The following AGBL4 variants were observed in gnomAD, a reference collection of about 807,000 sequenced individuals.
AGBL4 encodes AGBL carboxypeptidase 4.
AGBL4 carries 58 observed loss-of-function variants against 66.4 expected under a neutral mutation model. The observed-to-expected ratio is 0.87, with a 90% confidence interval of 0.71 to 1.09. AGBL4 has a LOEUF of 1.09. AGBL4 is among the 50% of genes least tolerant of loss of function. The probability of loss-of-function intolerance (pLI) is 0.00; values close to 1 mark genes in which losing one functional copy is unlikely to be tolerated. For synonymous variants in AGBL4, 234 were observed against 222.9 expected, an observed-to-expected ratio of 1.05 and a Z score of -0.44; for missense variants, 579 against 631.0, an observed-to-expected ratio of 0.92 and a Z score of 0.88.
downstream of AGBL4, among the ~76,000 whole-genome samples, chr1:48,530,168 C>A (rs1359811064): frequency 2.6e-5 from 4 of 152,134 alleles, no homozygotes; most frequent in African/African-American, 9.7e-5. Context: ...GTGTTTGAAT[C>A]CAGGTTCTCA....
intron 3 of AGBL4, among the ~76,000 whole-genome samples, chr1:49,558,972 C>T (rs1272992251): frequency 4.6e-5 from 7 of 152,156 alleles, no homozygotes; most frequent in African/African-American, 1.7e-4. Flanking sequence ...TCCCTGACTC[C>T]TGGGTGGTAC....
intron 1 of AGBL4, among the ~76,000 whole-genome samples, chr1:49,981,288 T>C (rs960384120): frequency 6.6e-6 from 1 of 152,178 alleles, no homozygotes; most frequent in Non-Finnish European, 1.5e-5. Flanking sequence ...ATTATTTTTG[T>C]AGTTTATGCA....
intron 3 of AGBL4, among the ~76,000 whole-genome samples, chr1:49,677,401 C>A (rs1646602101): frequency 6.6e-6 from 1 of 151,916 alleles, no homozygotes; most frequent in African/African-American, 2.4e-5. Flanking sequence ...GGATTACAAT[C>A]CTTGATTTAT....
At chr1:48,689,428 T>C (rs1190225490) in intron 6 of AGBL4, among the ~76,000 whole-genome samples, 21 of 141,912 alleles carry the variant, frequency 1.5e-4, no homozygotes, top group African/African-American at 6.0e-4. Context: ...TTCCTTCCTT[T>C]CTTCTTTCCT....
chr1:49,097,976 C>T (rs962095527), intron 4 of AGBL4, among the ~76,000 whole-genome samples: 1 of 152,202 alleles, frequency 6.6e-6, no homozygotes, highest in African/African-American at 2.4e-5. Context: ...AATATACTAC[C>T]TAGTTGAAAA....
At chr1:49,201,914 G>A (rs1455193759) in intron 4 of AGBL4, among the ~76,000 whole-genome samples, 2 of 151,950 alleles carry the variant, frequency 1.3e-5, no homozygotes, top group Admixed American at 1.3e-4. Context: ...AAATGAGTGT[G>A]GGAGAGATGG....
intron 11 of AGBL4, among the ~76,000 whole-genome samples, chr1:48,568,672 G>C (rs760087623): frequency 1.3e-5 from 2 of 152,164 alleles, no homozygotes; most frequent in Non-Finnish European, 2.9e-5. Flanking sequence ...GACAATTCCA[G>C]CTCCTGAAAA....
intron 1 of AGBL4, among the ~76,000 whole-genome samples, chr1:49,948,337 A>C (rs1215875159): frequency 9.4e-6 from 1 of 106,476 alleles, no homozygotes; most frequent in Non-Finnish European, 1.7e-5. Context: ...AACATATATA[A>C]ATATATAAAT....
intron 11 of AGBL4, among the ~76,000 whole-genome samples, chr1:48,573,443 G>A (rs915779269): frequency 4.6e-5 from 7 of 152,234 alleles, no homozygotes; most frequent in Admixed American, 6.5e-5. Flanking sequence ...AGACTAAGGA[G>A]GGCTAATATA....
chr1:49,905,219 G>GT (rs1388918178), intron 1 of AGBL4, among the ~76,000 whole-genome samples: 1 of 152,078 alleles, frequency 6.6e-6, no homozygotes, highest in Non-Finnish European at 1.5e-5. Flanking sequence ...TTTGCCTTTT[G>GT]TTTAACATCT....
chr1:49,459,034 TTCTTTCTTTC>T (rs1195296346), intron 3 of AGBL4, among the ~76,000 whole-genome samples: 1 of 151,400 alleles, frequency 6.6e-6, no homozygotes, highest in Admixed American at 6.6e-5. Context: ...CCTTCCTCTT[TTCTTTCTTTC>T]TCTTTCTTTC....
At chr1:48,940,572 T>C (rs1571053449) in intron 5 of AGBL4, among the ~76,000 whole-genome samples, 1 of 152,308 alleles carries the variant, frequency 6.6e-6, no homozygotes, top group Non-Finnish European at 1.5e-5. Context: ...TATGTGCCTG[T>C]CCCCTACATA....
At chr1:48,834,753 G>C (rs1646637158) in intron 6 of AGBL4, among the ~76,000 whole-genome samples, 1 of 152,150 alleles carries the variant, frequency 6.6e-6, no homozygotes, top group Admixed American at 6.5e-5. Flanking sequence ...TGAGCAGACA[G>C]GCAAAGAGTT....
At chr1:48,722,691 C>T (rs1418971734) in intron 6 of AGBL4, among the ~76,000 whole-genome samples, 1 of 152,142 alleles carries the variant, frequency 6.6e-6, no homozygotes, top group Non-Finnish European at 1.5e-5. Flanking sequence ...CACATACTGT[C>T]AATATTACCT....
intron 6 of AGBL4, among the ~76,000 whole-genome samples, chr1:48,852,207 A>T (rs1570832797): frequency 6.6e-6 from 1 of 152,140 alleles, no homozygotes; most frequent in Non-Finnish European, 1.5e-5. Flanking sequence ...GGCCTAACTG[A>T]TCTCAAAGTT....
chr1:48,604,143 A>AAAAC (rs1645119233), intron 9 of AGBL4, among the ~76,000 whole-genome samples: 1 of 151,930 alleles, frequency 6.6e-6, no homozygotes, highest in African/African-American at 2.4e-5. Flanking sequence ...AAAACAAAAC[A>AAAAC]AAACAAAACA....
chr1:49,623,954 T>G (rs556331233), intron 3 of AGBL4, among the ~76,000 whole-genome samples: 312 of 152,248 alleles, frequency 2.0e-3, no homozygotes, highest in Non-Finnish European at 3.0e-3. Flanking sequence ...TTTTCTCATC[T>G]GTAGAATGAG....
At chr1:49,574,558 A>G (rs1421699448) in intron 3 of AGBL4, among the ~76,000 whole-genome samples, 1 of 152,124 alleles carries the variant, frequency 6.6e-6, no homozygotes, top group African/African-American at 2.4e-5. Context: ...GCCTTGTGAA[A>G]TAGATTTGTG....
At chr1:49,786,191 C>G (rs1015721203) in intron 2 of AGBL4, among the ~76,000 whole-genome samples, 2 of 152,148 alleles carry the variant, frequency 1.3e-5, no homozygotes, top group Non-Finnish European at 2.9e-5. Flanking sequence ...CTGAAGCTAA[C>G]CTTTTCATAT....
Sources: gnomAD v4.1 joint callset for allele counts (sites outside exome capture counted in the v4.1 genomes callset) on GRCh38, gnomAD v4.1.1 for gene constraint, MANE v1.5 for transcripts, NCBI Gene and HGNC (gene_info 2026-07-23, HGNC 2026-07-21) for gene names.